Variants in IGBP1 observed in about 807,000 individuals in gnomAD.
The protein encoded by IGBP1 is immunoglobulin binding protein 1.
IGBP1 carries 2 observed loss-of-function variants against 25.9 expected under a neutral mutation model. That is an observed-to-expected ratio of 0.08 (90% confidence interval 0.03 to 0.24). The LOEUF (loss-of-function observed/expected upper bound fraction) is 0.24. Ranked by LOEUF, IGBP1 falls within the 10% of genes least tolerant of loss-of-function variation. The pLI, the probability that IGBP1 is intolerant of heterozygous loss-of-function variation, is 1.00. For missense variants in IGBP1, 187 were observed against 260.4 expected (o/e 0.72, Z 1.94); for synonymous variants, 96 against 93.4 (o/e 1.03, Z -0.16).
intron 6 of IGBP1, among the ~76,000 whole-genome samples, chrX:70,165,462 T>C (rs1365012927): frequency 2.7e-5 from 3 of 110,197 alleles, no homozygotes; most frequent in Admixed American, 9.7e-5. Context: ...ATTTTTTCTT[T>C]CCTGTTTTTG....
chrX:70,152,832 C>G (rs2147582863), intron 6 of IGBP1, among the ~76,000 whole-genome samples: 1 of 111,879 alleles, frequency 8.9e-6, no homozygotes, highest in South Asian at 3.7e-4. Flanking sequence ...TAAGCAGTAT[C>G]TCAGTGGCCT....
intron 3 of IGBP1, among the ~76,000 whole-genome samples, chrX:70,144,325 G>A (rs1388361820): frequency 1.8e-5 from 2 of 111,966 alleles, no homozygotes; most frequent in South Asian, 7.4e-4. Flanking sequence ...CTTATTCAGA[G>A]GACTACTAGA....
intron 3 of IGBP1, among the ~76,000 whole-genome samples, chrX:70,145,630 A>G (rs2085161250): frequency 9.0e-6 from 1 of 111,485 alleles, no homozygotes; most frequent in Non-Finnish European, 1.9e-5. Flanking sequence ...GGCCCTGGCT[A>G]TGTCTGACCT....
intron 6 of IGBP1, among the ~76,000 whole-genome samples, chrX:70,154,650 GGGA>G (rs2085226086): frequency 1.1e-5 from 1 of 88,453 alleles, no homozygotes; most frequent in African/African-American, 4.2e-5. Flanking sequence ...AGGCCAAAGT[GGGA>G]GGATCCCTTG....
chrX:70,145,766 T>C (rs1380656547), intron 3 of IGBP1, among the ~76,000 whole-genome samples: 1 of 112,284 alleles, frequency 8.9e-6, no homozygotes, highest in East Asian at 2.8e-4. Context: ...CATACTCTTC[T>C]AGATATTGGC....
At chrX:70,134,387 T>A in intron 2 of IGBP1, 136 bp from the exon 3 acceptor site, 1 of 683,733 alleles carries the variant, frequency 1.5e-6, no homozygotes, top group Non-Finnish European at 2.3e-6. Flanking sequence ...TTTCATTGAG[T>A]GAAACTGGCC....
At chrX:70,149,772 C>A in intron 5 of IGBP1, 1 of 141,303 alleles carries the variant, frequency 7.1e-6, no homozygotes, top group South Asian at 1.9e-4. Context: ...TGGCACTCTT[C>A]CTGCCTTCAG....
rs776129601 is a variant in IGBP1, at chrX:70,165,904, C to T, written c.943C>T (p.Leu315Phe). ...GGAGGAAGAGGATGATGAACAAACA[C>T]TCCACAGAGCCCGGGAGTGGGATGA... ...EKEEEDDEQT[L>F]HRAREWDDWK... is the part of the protein sequence containing the mutation. Residue 315 changes from leucine to phenylalanine, a missense_variant, in exon 7 of 7, where the codon CTC becomes TTC. Transcript: ENST00000356413. 10 of 1,206,628 alleles carry T rather than the reference C, an allele frequency of 8.3e-6. No individual in the cohort carries two copies. The highest frequency in any genetic ancestry group is 1.1e-5 in the Non-Finnish European group (10 of 892,746).
intron 4 of IGBP1, among the ~76,000 whole-genome samples, chrX:70,148,248 A>G (rs149342871): frequency 0.074 from 8,305 of 111,620 alleles, 339 homozygotes; most frequent in Non-Finnish European, 0.11. Context: ...ACTTTTCTAT[A>G]TACGTCTATA....
chrX:70,154,921 T>TAAG (rs2085230227), intron 6 of IGBP1, among the ~76,000 whole-genome samples: 1 of 107,820 alleles, frequency 9.3e-6, no homozygotes, highest in Non-Finnish European at 1.9e-5. Context: ...GCAGCCTGAT[T>TAAG]AAGAAGTGGG....
At chrX:70,154,837 C>T (rs1436519206) in intron 6 of IGBP1, among the ~76,000 whole-genome samples, 1 of 108,449 alleles carries the variant, frequency 9.2e-6, no homozygotes, top group African/African-American at 3.4e-5. Flanking sequence ...GTCGAGGCTG[C>T]AGTGAGCTAT....
intron 6 of IGBP1, among the ~76,000 whole-genome samples, chrX:70,153,498 T>G (rs2085216096): frequency 8.9e-6 from 1 of 112,428 alleles, no homozygotes; most frequent in African/African-American, 3.2e-5. Flanking sequence ...TATAATGTAT[T>G]AGGTGTAATA....
rs1483924234 is a variant in IGBP1, at chrX:70,136,350, T to C, written c.482+1534T>C. ...CAACACTTTATTATAAAATAGGCCTTGTGTTAGATGATTTTGCCCAACTGT... is the reference window on the plus strand; with the variant it reads ...CAACACTTTATTATAAAATAGGCCTCGTGTTAGATGATTTTGCCCAACTGT... On this transcript the variant is annotated intron_variant, in intron 3 of 6. Transcript: ENST00000356413. Among the ~76,000 whole-genome samples, 3 of 111,931 alleles carry C rather than the reference T, an allele frequency of 2.7e-5. No individual in the cohort carries two copies. In the Admixed American group the frequency reaches 2.9e-4, roughly 11 times the overall value.
chrX:70,133,727 C>T lies in IGBP1; in HGVS notation c.-221C>T, dbSNP rs775675931. On this transcript the variant is annotated 5_prime_UTR_variant, in exon 2 of 7. Transcript: ENST00000356413. Reference sequence around the variant, plus strand: ...TTGTTTGTTTGCTTTTAACAGATGCCTACGACTTGTAACGGGCTGCCTGGT... The same window carrying T: ...TTGTTTGTTTGCTTTTAACAGATGCTTACGACTTGTAACGGGCTGCCTGGT... 1 of 445,594 alleles carries T rather than the reference C, an allele frequency of 2.2e-6. No homozygotes were observed. The highest frequency in any genetic ancestry group is 3.9e-6 in the Non-Finnish European group (1 of 255,805). The allele number at this position is 445,594 out of a possible 1,213,427, so 36.7% of individuals were successfully genotyped here. A position where few individuals can be genotyped will look rare whatever the true frequency, so the allele number is the denominator to read the frequency against.
chrX:70,165,755 A>G (rs1431423010), intron 6 of IGBP1, 78 bp from the exon 7 acceptor site: 2 of 912,176 alleles, frequency 2.2e-6, no homozygotes, highest in Non-Finnish European at 3.1e-6. Flanking sequence ...TTGTGCTCAG[A>G]GTGGAACTGA....
In IGBP1 at chrX:70,133,559, T is replaced by G; in HGVS notation, c.-226+19T>G. On this transcript the variant is annotated intron_variant, in intron 1 of 6. Coordinates refer to ENST00000356413, the MANE Select transcript of IGBP1 (RefSeq NM_001551.3). ...TCGCGAGGTAAGGGGCGCGCCAGACTGGCTCCTAAAACGCACTCGCTCGTC... is the reference window on the plus strand; with the variant it reads ...TCGCGAGGTAAGGGGCGCGCCAGACGGGCTCCTAAAACGCACTCGCTCGTC... 1 of 372,669 alleles carries G rather than the reference T, an allele frequency of 2.7e-6. No homozygotes were observed. The highest frequency in any genetic ancestry group is 4.6e-6 in the Non-Finnish European group (1 of 217,103). The allele number at this position is 372,669 out of a possible 1,213,427, so 30.7% of individuals were successfully genotyped here.
intron 6 of IGBP1, chrX:70,165,028 T>C (rs1339711024): frequency 9.0e-6 from 1 of 111,166 alleles, no homozygotes; most frequent in Non-Finnish European, 1.9e-5. Context: ...ACCACTGTAC[T>C]CCAGCCTAGG....
chrX:70,153,801 C>T (rs1452580330), intron 6 of IGBP1, among the ~76,000 whole-genome samples: 2 of 111,522 alleles, frequency 1.8e-5, no homozygotes, highest in Non-Finnish European at 3.8e-5. Flanking sequence ...CCAAGCTCAT[C>T]GATGTAGCTG....
chrX:70,155,888 C>T (rs1031191010), intron 6 of IGBP1, among the ~76,000 whole-genome samples: 2 of 111,949 alleles, frequency 1.8e-5, no homozygotes, highest in African/African-American at 6.5e-5. Flanking sequence ...ACATAGCAGT[C>T]ATAAATGCAT....
Sources: allele counts gnomAD v4.1 joint callset (sites outside exome capture counted in the v4.1 genomes callset), GRCh38; gene constraint gnomAD v4.1.1; transcripts MANE v1.5; gene names NCBI Gene and HGNC (gene_info 2026-07-23, HGNC 2026-07-21).